Variants in CACYBP observed in about 807,000 individuals in gnomAD.
CACYBP encodes calcyclin binding protein.
A neutral mutation model predicts 29.6 loss-of-function variants in CACYBP; 11 were observed. The ratio of observed to expected loss-of-function variants is 0.37; its 90% CI spans 0.23 to 0.61. CACYBP has a LOEUF of 0.61. Among genes scored for constraint, CACYBP ranks in the 20% least tolerant of loss-of-function variants. The probability of loss-of-function intolerance (pLI) is 0.65; values close to 1 mark genes in which losing one functional copy is unlikely to be tolerated. For synonymous variants in CACYBP, 73 were observed against 88.3 expected (o/e 0.83, Z 0.97); for missense variants, 163 against 260.7 (o/e 0.63, Z 2.58).
rs918550846 is a variant in CACYBP, at chr1:175,010,637, G to C, written c.*558G>C. On this transcript the variant is annotated 3_prime_UTR_variant, in exon 6 of 6. Transcript: ENST00000367679. Reference sequence around the variant, plus strand: ...GATTTAAATATATTTGTCAATGAATGTGGAATAGAAAATCTAAACATGACA... The same window carrying C: ...GATTTAAATATATTTGTCAATGAATCTGGAATAGAAAATCTAAACATGACA... 2.0e-5 allele frequency: 3 copies of C among 152,208 alleles called. No individual in the cohort carries two copies. Among genetic ancestry groups the C allele is most frequent in the African/African-American group, 7.2e-5 (3 of 41,434 alleles). The allele number at this position is 152,208 out of a possible 1,614,324, so 9.4% of individuals were successfully genotyped here.
chr1:175,005,127 T>TG (rs1449346585), intron 2 of CACYBP: 1 of 376,144 alleles, frequency 2.7e-6, no homozygotes, highest in Non-Finnish European at 5.0e-6. Flanking sequence ...TGGTGGTGGT[T>TG]TTTAATCATG....
At position 175,008,084 on chromosome 1, in the gene CACYBP, G is replaced by A. The variant is rs533271380; in HGVS notation, c.433-525G>A. ...CCCTAGTATTGATCATTGTTTAAAA[G>A]ACCTGTACATTGCCCTTCTTTCTCA... On this transcript the variant is annotated intron_variant, in intron 4 of 5. Coordinates refer to ENST00000367679, the MANE Select transcript of CACYBP (RefSeq NM_014412.3). Among the ~76,000 whole-genome samples the A allele has an allele frequency of 1.2e-4, 19 of 152,122 alleles. 1 individual carries two copies. Among genetic ancestry groups the A allele is most frequent in the Non-Finnish European group, 1.0e-4 (7 of 68,022 alleles).
intron 1 of CACYBP, among the ~76,000 whole-genome samples, chr1:175,002,748 A>G (rs905362055): frequency 6.6e-6 from 1 of 152,222 alleles, no homozygotes; most frequent in South Asian, 2.1e-4. Context: ...TGGATACTTC[A>G]TAATAAAAAG....
At chr1:175,004,946 C>G in intron 2 of CACYBP, 113 bp downstream of exon 2, 1 of 762,788 alleles carries the variant, frequency 1.3e-6, no homozygotes, top group South Asian at 1.5e-5. Context: ...TGGTTTGGAG[C>G]AAGACCCATC....
intron 5 of CACYBP, among the ~76,000 whole-genome samples, chr1:175,009,496 AT>A (rs1672694579): frequency 6.6e-6 from 1 of 151,808 alleles, no homozygotes; most frequent in African/African-American, 2.4e-5. Context: ...AAATACAAAA[AT>A]TAGCCGGGCA....
chr1:175,008,981 CT>C (rs1422151926), intron 5 of CACYBP: 1 of 289,494 alleles, frequency 3.5e-6, no homozygotes, highest in Non-Finnish European at 6.4e-6. Context: ...TTAGGTACCC[CT>C]GTATGTTTTA....
At position 175,007,294 on chromosome 1, in the gene CACYBP, G is replaced by A. The variant is rs993369086; in HGVS notation, c.432+97G>A. The A allele has an allele frequency of 2.9e-5, 21 of 722,696 alleles. No individual in the cohort carries two copies. The African/African-American group carries it at 3.4e-4, about 12-fold the overall frequency. The allele number at this position is 722,696 out of a possible 1,614,324, so 44.8% of individuals were successfully genotyped here. On this transcript the variant is annotated intron_variant, in intron 4 of 5. Coordinates refer to ENST00000367679, the MANE Select transcript of CACYBP (RefSeq NM_014412.3). ...ATGAACTGGAATGAATTTGTCCTCTGTAACAGGGACCACCGCCTGTTTTGT... is the reference window on the plus strand; with the variant it reads ...ATGAACTGGAATGAATTTGTCCTCTATAACAGGGACCACCGCCTGTTTTGT...
At chr1:175,008,757 A>G (rs901390173) in intron 5 of CACYBP, 51 bp downstream of exon 5, 1 of 881,566 alleles carries the variant, frequency 1.1e-6, no homozygotes, top group Non-Finnish European at 1.9e-6. Flanking sequence ...GTTTGAGATC[A>G]TGGATTTTTA....
In CACYBP at chr1:175,000,033, A is replaced by G. The variant is rs1489764692; in HGVS notation, c.-148A>G. 5 of 1,170,976 alleles carry G rather than the reference A, an allele frequency of 4.3e-6. No individual in the cohort carries two copies. The African/African-American group carries it at 6.3e-5, about 15-fold the overall frequency. The allele number at this position is 1,170,976 out of a possible 1,614,324, so 72.5% of individuals were successfully genotyped here. A position where few individuals can be genotyped will look rare whatever the true frequency, so the allele number is the denominator to read the frequency against. On this transcript the variant is annotated 5_prime_UTR_variant, in exon 1 of 6. Transcript: ENST00000367679. ...CGTCGCGTGCGGGAGGCGGGCCGCG[A>G]TCTTGCGCAGGGTCGGTGTGGGCGC...
Position 175,000,054 on chromosome 1 carries a change from G to C in CACYBP, c.-127G>C. ...CGCGATCTTGCGCAGGGTCGGTGTG[G>C]GCGCAGGCTGCAGCGCCGCGACTCG... On this transcript the variant is annotated 5_prime_UTR_variant, in exon 1 of 6. Coordinates refer to ENST00000367679, the MANE Select transcript of CACYBP (RefSeq NM_014412.3). The C allele has an allele frequency of 7.4e-7, 1 of 1,344,362 alleles. No homozygotes were observed. The highest frequency in any genetic ancestry group is 1.5e-5 in the African/African-American group (1 of 67,888). 83.3% of individuals were successfully genotyped at this position (1,344,362 alleles called of 1,614,324 possible).
chr1:175,004,680 G>A lies in CACYBP; in HGVS notation c.82G>A (p.Ala28Thr), dbSNP rs991834905. ...GGCTACTAGGAAAAGAGTACGTGAT[G>A]CCCTTACAGCTGAAAAATCCAAGAT... ...EKATRKRVRDALTAEKSKIET... is the reference protein window; with the variant it reads ...EKATRKRVRDTLTAEKSKIET... Residue 28 changes from alanine (A) to threonine (T), a missense_variant, in exon 2 of 6, where the codon GCC becomes ACC. By Grantham distance (58) the Ala-to-Thr change is moderately conservative (BLOSUM62 0). Coordinates refer to ENST00000367679, the MANE Select transcript of CACYBP (RefSeq NM_014412.3). 1.2e-6 allele frequency: 2 copies of A among 1,613,826 alleles called. No homozygotes were observed. Among genetic ancestry groups the A allele is most frequent in the Non-Finnish European group, 1.7e-6 (2 of 1,179,854 alleles).
intron 1 of CACYBP, chr1:175,000,556 G>A (rs1308684406): frequency 8.5e-7 from 1 of 1,182,522 alleles, no homozygotes; most frequent in Non-Finnish European, 1.1e-6. Context: ...AAGCAAAGCT[G>A]GGTGCAAACA....
chr1:175,011,919 A>C lies in CACYBP; in HGVS notation c.*1840A>C, dbSNP rs925719409. Among the ~76,000 whole-genome samples the C allele has an allele frequency of 5.9e-5, 9 of 152,202 alleles. No homozygotes were observed. The highest frequency in any genetic ancestry group is 1.9e-4 in the African/African-American group (8 of 41,458). On this transcript the variant is annotated 3_prime_UTR_variant, in exon 6 of 6. Coordinates refer to ENST00000367679, the MANE Select transcript of CACYBP (RefSeq NM_014412.3). ...AGGAGTTCAAGACCATCTGGCCAACATGGTGAAACCCTGTCTCTACTGAAA... is the reference window on the plus strand; with the variant it reads ...AGGAGTTCAAGACCATCTGGCCAACCTGGTGAAACCCTGTCTCTACTGAAA...
chr1:175,006,614 C>G (rs868033693), intron 2 of CACYBP, 131 bp from the exon 3 acceptor site: 82 of 546,368 alleles, frequency 1.5e-4, no homozygotes, highest in African/African-American at 1.3e-3. Flanking sequence ...TCTTATATTT[C>G]AAATTTTTTC....
At position 175,010,006 on chromosome 1, in the gene CACYBP, A is replaced by T. The variant is rs139194979; in HGVS notation, c.614A>T (p.Asp205Val). The T allele has an allele frequency of 1.6e-5, 26 of 1,613,570 alleles. No homozygotes were observed. The highest frequency in any genetic ancestry group is 2.2e-5 in the Non-Finnish European group (26 of 1,179,612). Residue 205 changes from aspartate to valine, a missense_variant, in exon 6 of 6, where the codon GAT becomes GTT. By Grantham distance (152) the Asp-to-Val change is radical. Transcript: ENST00000367679. ...LKKIYEDGDD[D>V]MKRTINKAWV... ...AAAATTTATGAAGATGGAGACGATG[A>T]TATGAAGCGAACCATTAATAAAGCC...
In CACYBP at chr1:175,008,610, T is replaced by G; in HGVS notation, c.434T>G (p.Val145Gly). The G allele has an allele frequency of 6.9e-7, 1 of 1,450,456 alleles. No homozygotes were observed. Among genetic ancestry groups the G allele is most frequent in the Non-Finnish European group, 9.7e-7 (1 of 1,031,512 alleles). The allele number at this position is 1,450,456 out of a possible 1,614,324, so 89.8% of individuals were successfully genotyped here. A position where few individuals can be genotyped will look rare whatever the true frequency, so the allele number is the denominator to read the frequency against. ...PISVEGSSKK[V>G]KTDTVLILCR... is the part of the protein sequence containing the mutation. Reference sequence around the variant, plus strand: ...TTTGTTTTCCTGCTTTTCTTCCAGGTCAAGACTGATACAGTTCTTATATTG... The same window carrying G: ...TTTGTTTTCCTGCTTTTCTTCCAGGGCAAGACTGATACAGTTCTTATATTG... Residue 145 changes from valine (V) to glycine (G), a missense_variant and splice_region_variant, in exon 5 of 6, where the codon GTC becomes GGC. Physicochemically the swap from Val to Gly is moderately radical, Grantham distance 109. Coordinates refer to ENST00000367679, the MANE Select transcript of CACYBP (RefSeq NM_014412.3).
intron 2 of CACYBP, among the ~76,000 whole-genome samples, chr1:175,005,584 C>T (rs1235451672): frequency 6.6e-6 from 1 of 152,030 alleles, no homozygotes; most frequent in Non-Finnish European, 1.5e-5. Flanking sequence ...ACAGCATGAG[C>T]AGAGAATGTG....
chr1:175,006,699 AG>A, intron 2 of CACYBP, 45 bp from the exon 3 acceptor site: 1 of 931,854 alleles, frequency 1.1e-6, no homozygotes, highest in East Asian at 2.4e-5. Flanking sequence ...TTCTAAAGAT[AG>A]TTTCAGAGGC....
rs1321793061 is a variant in CACYBP at position 175,003,613 on chromosome 1, CTTTTTTAAATTGAGCT to C, written c.16-997_16-982del. 5.3e-5 allele frequency among the ~76,000 whole-genome samples: 8 copies of C among 152,168 alleles called. No individual in the cohort carries two copies. The East Asian group carries it at 1.3e-3, about 26-fold the overall frequency. ...TTCTGAGTTATAAAGCACTAAAAGACTTTTTTAAATTGAGCTTTTGATATCAAGCTGTGACACAAGA... is the reference window on the plus strand; with the variant it reads ...TTCTGAGTTATAAAGCACTAAAAGACTTTGATATCAAGCTGTGACACAAGA... On this transcript the variant is annotated intron_variant, in intron 1 of 5. Transcript: ENST00000367679.
Sources: allele counts gnomAD v4.1 joint callset (sites outside exome capture counted in the v4.1 genomes callset), GRCh38; gene constraint gnomAD v4.1.1; transcripts MANE v1.5; gene names NCBI Gene and HGNC (gene_info 2026-07-23, HGNC 2026-07-21).